The following RTTN variants were observed in gnomAD, a reference collection of about 807,000 sequenced individuals.
The protein encoded by RTTN is rotatin.
A neutral mutation model predicts 269.2 loss-of-function variants in RTTN; 182 were observed. The ratio of observed to expected loss-of-function variants is 0.68; its 90% CI spans 0.60 to 0.76. The LOEUF is 0.76. Among genes scored for constraint, RTTN ranks in the 30% least tolerant of loss-of-function variants. The pLI, the probability that RTTN is intolerant of heterozygous loss-of-function variation, is 0.00. For synonymous variants in RTTN, 1,006 were observed against 963.5 expected, an observed-to-expected ratio of 1.04 and a Z score of -0.82; for missense variants, 2,545 against 2,608.6, an observed-to-expected ratio of 0.98 and a Z score of 0.53.
rs535686178 is a variant in RTTN at position 70,010,885 on chromosome 18, A to G, written c.6422-4401T>C. Among the ~76,000 whole-genome samples the G allele has an allele frequency of 1.1e-4, 17 of 152,330 alleles. No individual in the cohort carries two copies. The South Asian group carries it at 3.3e-3, about 30-fold the overall frequency. ...AAGAGAGAAGAATCAAATAGACACA[A>G]TAAAAAATGATAAAGGGGAGATCAG... On this transcript the variant is annotated intron_variant, in intron 46 of 48. Transcript: ENST00000640769.
intron 34 of RTTN, among the ~76,000 whole-genome samples, chr18:70,066,288 TAAAG>T (rs1324250431): frequency 9.9e-5 from 15 of 152,158 alleles, no homozygotes; most frequent in African/African-American, 3.1e-4. Context: ...TGATTGACAA[TAAAG>T]ATATTTTTAA....
intron 28 of RTTN, among the ~76,000 whole-genome samples, chr18:70,098,568 T>A (rs1045292780): frequency 6.6e-6 from 1 of 152,196 alleles, no homozygotes; most frequent in Non-Finnish European, 1.5e-5. Context: ...ACATTTCTAA[T>A]AGACAGCAGA....
At chr18:70,190,779 G>T in intron 8 of RTTN, 60 bp from the exon 9 acceptor site, 1 of 1,197,914 alleles carries the variant, frequency 8.3e-7, no homozygotes, top group South Asian at 1.4e-5. Context: ...CAGATTTACT[G>T]CATATCTGCT....
chr18:70,161,752 A>G (rs1270347792), intron 14 of RTTN, among the ~76,000 whole-genome samples: 2 of 152,198 alleles, frequency 1.3e-5, no homozygotes. Context: ...AAAATGCTCA[A>G]TATCACTAAT....
chr18:70,055,315 A>G (rs534852883), intron 37 of RTTN, among the ~76,000 whole-genome samples: 13 of 151,740 alleles, frequency 8.6e-5, no homozygotes, highest in African/African-American at 3.2e-4. Flanking sequence ...ACACACACAC[A>G]CATACACACA....
At chr18:70,184,716 TTGTGTGTG>T (rs1555776912) in intron 10 of RTTN, among the ~76,000 whole-genome samples, 2 of 33,452 alleles carry the variant, frequency 6.0e-5, no homozygotes, top group African/African-American at 1.3e-4. Context: ...TTTTTTTTTT[TTGTGTGTG>T]TGTGTGTGTG....
intron 11 of RTTN, among the ~76,000 whole-genome samples, chr18:70,169,759 G>C (rs1398638528): frequency 6.6e-6 from 1 of 152,014 alleles, no homozygotes; most frequent in African/African-American, 2.4e-5. Flanking sequence ...TTAAAAAAAT[G>C]GTTCTAGTTT....
At chr18:70,189,111 G>A (rs1450729385) in intron 9 of RTTN, among the ~76,000 whole-genome samples, 2 of 152,184 alleles carry the variant, frequency 1.3e-5, no homozygotes, top group Non-Finnish European at 2.9e-5. Flanking sequence ...TTAAGGAAAG[G>A]TTAAATGCAA....
Position 70,205,179 on chromosome 18 carries a change from C to A in RTTN, c.168G>T (p.Pro56=). 6.2e-7 allele frequency: 1 copy of A among 1,614,210 alleles called. No individual in the cohort carries two copies. Residue 56 remains proline, a synonymous_variant, in exon 2 of 49, where the codon CCG becomes CCT. Transcript: ENST00000640769. ...FLHLLEWFNF[P]SVPMKEEVLN... ...GAACCTCTTCCTTCATCGGAACGGA[C>A]GGGAAATTGAACCATTCCAGCAAAT...
intron 43 of RTTN, among the ~76,000 whole-genome samples, chr18:70,025,175 G>A (rs1389865226): frequency 6.6e-6 from 1 of 152,162 alleles, no homozygotes; most frequent in African/African-American, 2.4e-5. Flanking sequence ...CTATGAACTG[G>A]CCAAGAAGTG....
intron 10 of RTTN, among the ~76,000 whole-genome samples, chr18:70,184,685 C>T: frequency 7.1e-6 from 1 of 140,070 alleles, no homozygotes; most frequent in Non-Finnish European, 1.5e-5. Flanking sequence ...AACTCAATTC[C>T]ATTCAAAACC....
intron 28 of RTTN, among the ~76,000 whole-genome samples, chr18:70,100,386 T>C (rs1037661523): frequency 1.3e-5 from 2 of 152,208 alleles, no homozygotes; most frequent in African/African-American, 2.4e-5. Context: ...TTGTCTGTTA[T>C]TGGTGTATAG....
intron 40 of RTTN, among the ~76,000 whole-genome samples, chr18:70,040,331 T>C (rs2057303617): frequency 6.6e-6 from 1 of 151,758 alleles, no homozygotes; most frequent in Non-Finnish European, 1.5e-5. Flanking sequence ...GTAGCTATAC[T>C]TAGACAAAAT....
Position 70,012,914 on chromosome 18 carries a change from A to G in RTTN, c.6421+4493T>C, listed in dbSNP as rs904955646. On this transcript the variant is annotated intron_variant, in intron 46 of 48. Transcript: ENST00000640769. ...AATAAACAAAAATTTTGTCTACATAATTCAATTTTTTTATTTTAAGGGATT... is the reference window on the plus strand; with the variant it reads ...AATAAACAAAAATTTTGTCTACATAGTTCAATTTTTTTATTTTAAGGGATT... Among the ~76,000 whole-genome samples the G allele has an allele frequency of 2.0e-5, 3 of 152,232 alleles. No homozygotes were observed. In the East Asian group the frequency reaches 5.8e-4, roughly 29 times the overall value.
At chr18:70,088,521 T>C (rs973708666) in intron 30 of RTTN, among the ~76,000 whole-genome samples, 1 of 152,244 alleles carries the variant, frequency 6.6e-6, no homozygotes, top group Non-Finnish European at 1.5e-5. Flanking sequence ...TTTTTTATTG[T>C]TTCTTCCAAA....
intron 8 of RTTN, among the ~76,000 whole-genome samples, chr18:70,192,669 CAAAAAAAAAAAAA>C (rs11313917): frequency 1.1e-5 from 1 of 89,884 alleles, no homozygotes; most frequent in African/African-American, 4.4e-5. Context: ...GACCTTGTCT[CAAAAAAAAAAAAA>C]AAAAAAAGAA....
chr18:70,036,956 G>A (rs773147768), intron 40 of RTTN, among the ~76,000 whole-genome samples: 27 of 152,176 alleles, frequency 1.8e-4, no homozygotes, highest in Non-Finnish European at 2.9e-4. Flanking sequence ...CTGGTATGGC[G>A]AGCTAACTTG....
chr18:70,155,483 G>C (rs2060648922), intron 14 of RTTN, among the ~76,000 whole-genome samples: 1 of 152,240 alleles, frequency 6.6e-6, no homozygotes, highest in African/African-American at 2.4e-5. Context: ...TAGAGGACTT[G>C]TTCCTGGCCT....
intron 28 of RTTN, among the ~76,000 whole-genome samples, chr18:70,106,670 T>C (rs2059328804): frequency 6.6e-6 from 1 of 151,942 alleles, no homozygotes; most frequent in South Asian, 2.1e-4. Flanking sequence ...AATCTCTAAA[T>C]GCAAAATATT....
Sources: allele counts gnomAD v4.1 joint callset (sites outside exome capture counted in the v4.1 genomes callset), GRCh38; gene constraint gnomAD v4.1.1; transcripts MANE v1.5; gene names NCBI Gene and HGNC (gene_info 2026-07-23, HGNC 2026-07-21).